Variants in FLRT1 observed in about 807,000 individuals in gnomAD.
FLRT1 encodes the protein leucine-rich repeat transmembrane protein FLRT1.
A neutral mutation model predicts 30.9 loss-of-function variants in FLRT1; 14 were observed. The ratio of observed to expected loss-of-function variants is 0.45; its 90% CI spans 0.30 to 0.71. FLRT1 has a LOEUF of 0.71. Among genes scored for constraint, FLRT1 ranks in the 30% least tolerant of loss-of-function variants. The pLI is 0.08. For missense variants in FLRT1, 737 were observed against 949.2 expected, an observed-to-expected ratio of 0.78 and a Z score of 2.94; for synonymous variants, 368 against 430.4, an observed-to-expected ratio of 0.85 and a Z score of 1.80.
rs1332498912 is a variant in FLRT1, at chr11:64,082,255, G to T, written c.-1037-20939G>T. Among the ~76,000 whole-genome samples the T allele has an allele frequency of 6.6e-6, 1 of 152,146 alleles. No homozygotes were observed. Among genetic ancestry groups the T allele is most frequent in the Non-Finnish European group, 1.5e-5 (1 of 68,016 alleles). On this transcript the variant is annotated intron_variant, in intron 1 of 2. Coordinates refer to ENST00000682287, the MANE Select transcript of FLRT1 (RefSeq NM_013280.5). The surrounding 1 kb of genome is among the most constrained non-coding windows in gnomAD (Gnocchi z 4.5). Reference sequence around the variant, plus strand: ...ACTGGGCCCCTGCTTAGCAGAGGATGGCTGAGCCTGGGGGGTGGAGAAAAT... The same window carrying T: ...ACTGGGCCCCTGCTTAGCAGAGGATTGCTGAGCCTGGGGGGTGGAGAAAAT...
intron 1 of FLRT1, among the ~76,000 whole-genome samples, chr11:64,050,063 T>C (rs1460808252): frequency 6.6e-6 from 1 of 152,152 alleles, no homozygotes; most frequent in East Asian, 1.9e-4. Context: ...GGTGATGGCC[T>C]ACTCTTCCCT....
intron 2 of FLRT1, among the ~76,000 whole-genome samples, chr11:64,111,664 G>A (rs572528973): frequency 1.3e-5 from 2 of 152,276 alleles, no homozygotes; most frequent in East Asian, 3.9e-4. Flanking sequence ...AGGGGGGTGG[G>A]TGAGGTCTGG....
At chr11:64,078,036 G>A (rs369653650) in intron 1 of FLRT1, among the ~76,000 whole-genome samples, 14 of 152,152 alleles carry the variant, frequency 9.2e-5, no homozygotes, top group African/African-American at 2.4e-4. Context: ...CCCAGGCATC[G>A]GGCACAGGGA....
At chr11:64,069,832 T>C (rs1227471771) in intron 1 of FLRT1, among the ~76,000 whole-genome samples, 1 of 152,144 alleles carries the variant, frequency 6.6e-6, no homozygotes, top group Non-Finnish European at 1.5e-5. Flanking sequence ...TCGACAGTCA[T>C]TAAGTCTTTA....
chr11:64,092,922 A>G (rs1944515028), intron 1 of FLRT1, among the ~76,000 whole-genome samples: 1 of 152,248 alleles, frequency 6.6e-6, no homozygotes, highest in Non-Finnish European at 1.5e-5. Context: ...AGGACTTCTC[A>G]GATCCTTTAA....
At chr11:64,077,136 C>T (rs1420680513) in intron 1 of FLRT1, among the ~76,000 whole-genome samples, 1 of 152,154 alleles carries the variant, frequency 6.6e-6, no homozygotes, top group Non-Finnish European at 1.5e-5. Flanking sequence ...TAGGCCTGAA[C>T]CCCTTCTCCC....
intron 1 of FLRT1, among the ~76,000 whole-genome samples, chr11:64,072,694 G>A (rs1334743315): frequency 1.3e-5 from 2 of 152,192 alleles, no homozygotes; most frequent in Admixed American, 6.5e-5. Context: ...TTATAGGGCT[G>A]TTCTGGGGAT....
chr11:64,071,986 T>C (rs1192779210), intron 1 of FLRT1, among the ~76,000 whole-genome samples: 1 of 152,214 alleles, frequency 6.6e-6, no homozygotes, highest in African/African-American at 2.4e-5. Context: ...ACGGGCTGGC[T>C]CCTGAGCCGC....
chr11:64,059,781 G>A (rs1943861784), intron 1 of FLRT1, among the ~76,000 whole-genome samples: 1 of 152,208 alleles, frequency 6.6e-6, no homozygotes, highest in Non-Finnish European at 1.5e-5. Context: ...CCTCTCCTGA[G>A]TTTCTCAGTT....
chr11:64,118,385 G>A lies in FLRT1; in HGVS notation c.*93G>A, dbSNP rs1439948566. ...GCCTGCTGCAATCCAAGAGAGCAAGGAAGAGAAATTCCATGGGTGACTTTC... is the reference window on the plus strand; with the variant it reads ...GCCTGCTGCAATCCAAGAGAGCAAGAAAGAGAAATTCCATGGGTGACTTTC... On this transcript the variant is annotated 3_prime_UTR_variant, in exon 3 of 3. Coordinates refer to ENST00000682287, the MANE Select transcript of FLRT1 (RefSeq NM_013280.5). 7.2e-7 allele frequency: 1 copy of A among 1,396,306 alleles called. No individual in the cohort carries two copies. The highest frequency in any genetic ancestry group is 9.4e-7 in the Non-Finnish European group (1 of 1,061,642). 86.5% of individuals were successfully genotyped at this position (1,396,306 alleles called of 1,614,324 possible). A position where few individuals can be genotyped will look rare whatever the true frequency, so the allele number is the denominator to read the frequency against.
rs977934221 is a variant in FLRT1, at chr11:64,067,876, C to A, written c.-1038+31717C>A. On this transcript the variant is annotated intron_variant, in intron 1 of 2. Coordinates refer to ENST00000682287, the MANE Select transcript of FLRT1 (RefSeq NM_013280.5). The surrounding 1 kb of genome is among the most constrained non-coding windows in gnomAD (Gnocchi z 4.6). The stretch of plus-strand genomic sequence containing the variant: ...GAGCTGAGCGGCCCACTTCCTGCTG[C>A]TGTCCATTTAGCCAGCGGTTCGCTC... Among the ~76,000 whole-genome samples, 4 of 152,186 alleles carry A rather than the reference C, an allele frequency of 2.6e-5. No individual in the cohort carries two copies. The highest frequency in any genetic ancestry group is 5.9e-5 in the Non-Finnish European group (4 of 68,030).
At chr11:64,055,827 AC>A (rs1943775287) in intron 1 of FLRT1, among the ~76,000 whole-genome samples, 1 of 152,024 alleles carries the variant, frequency 6.6e-6, no homozygotes, top group Non-Finnish European at 1.5e-5. Context: ...CTTTCTGGGT[AC>A]CATTCTTAGC....
At chr11:64,107,475 G>A (rs1306635479) in intron 2 of FLRT1, among the ~76,000 whole-genome samples, 3 of 152,152 alleles carry the variant, frequency 2.0e-5, no homozygotes, top group Non-Finnish European at 4.4e-5. Context: ...ACATCCCGCC[G>A]CCTGGCACCA....
chr11:64,080,581 A>G (rs1475249587), intron 1 of FLRT1, among the ~76,000 whole-genome samples: 1 of 152,218 alleles, frequency 6.6e-6, no homozygotes, highest in African/African-American at 2.4e-5. Context: ...GACACCCAGT[A>G]CAGTGCTCAA....
chr11:64,093,086 C>G (rs937151587), intron 1 of FLRT1, among the ~76,000 whole-genome samples: 1 of 152,152 alleles, frequency 6.6e-6, no homozygotes, highest in Non-Finnish European at 1.5e-5. Flanking sequence ...GAGCAGACCC[C>G]CTGTGGGACC....
At chr11:64,072,263 A>C (rs1007299104) in intron 1 of FLRT1, among the ~76,000 whole-genome samples, 1 of 152,004 alleles carries the variant, frequency 6.6e-6, no homozygotes. Context: ...AGATGGGTAC[A>C]GGGGTGATGC....
At chr11:64,099,315 C>G (rs1195500589) in intron 1 of FLRT1, among the ~76,000 whole-genome samples, 1 of 152,262 alleles carries the variant, frequency 6.6e-6, no homozygotes, top group Non-Finnish European at 1.5e-5. Flanking sequence ...AACCAATGCC[C>G]TCCCCACTGG....
rs140497307 is a variant in FLRT1, at chr11:64,117,199, G to A, written c.932G>A (p.Arg311His). ...LSNNNLTTLP[R>H]GLFDDLGNLA... ...AACAACAACCTGACCACGCTGCCCC[G>A]CGGCCTGTTCGACGACCTGGGGAAC... is the stretch of plus-strand genomic sequence containing the variant. Residue 311 changes from arginine (R) to histidine (H), a missense_variant, in exon 3 of 3, where the codon CGC becomes CAC. Coordinates refer to ENST00000682287, the MANE Select transcript of FLRT1 (RefSeq NM_013280.5). 9.1e-5 allele frequency: 147 copies of A among 1,614,120 alleles called. No homozygotes were observed. The East Asian group carries it at 1.9e-3, about 21-fold the overall frequency.
intron 1 of FLRT1, among the ~76,000 whole-genome samples, chr11:64,044,345 G>A (rs887558517): frequency 6.8e-6 from 1 of 147,474 alleles, no homozygotes; most frequent in Non-Finnish European, 1.5e-5. Context: ...TCTAACTTTT[G>A]GGCTCAAGTG....
Sources: gnomAD v4.1 joint callset for allele counts (sites outside exome capture counted in the v4.1 genomes callset) on GRCh38, gnomAD v4.1.1 for gene constraint, Gnocchi (gnomAD v3.1) non-coding constraint, MANE v1.5 for transcripts, NCBI Gene and HGNC (gene_info 2026-07-23, HGNC 2026-07-21) for gene names.